The following OSMR variants were observed in gnomAD, a reference collection of about 807,000 sequenced individuals.
The protein encoded by OSMR is oncostatin-M-specific receptor subunit beta.
A neutral mutation model predicts 99.9 loss-of-function variants in OSMR; 81 were observed. That is an observed-to-expected ratio of 0.81 (90% CI 0.68 to 0.97). The LOEUF is 0.97. Among genes scored for constraint, OSMR ranks in the 50% least tolerant of loss-of-function variants. OSMR has a pLI of 0.00. For missense variants in OSMR, 1,099 were observed against 1,153.4 expected, an observed-to-expected ratio of 0.95 and a Z score of 0.68; for synonymous variants, 406 against 410.4, an observed-to-expected ratio of 0.99 and a Z score of 0.13.
At chr5:38,939,776 C>T, downstream of OSMR, 1 of 226,564 alleles carries the variant, frequency 4.4e-6, no homozygotes, top group Non-Finnish European at 8.8e-6. Context: ...TTTTGGTATT[C>T]TATAGTCTGT....
At chr5:38,860,733 C>T (rs1230739280) in intron 1 of OSMR, among the ~76,000 whole-genome samples, 1 of 152,178 alleles carries the variant, frequency 6.6e-6, no homozygotes, top group Non-Finnish European at 1.5e-5. Context: ...AGTGCAATGG[C>T]ACAATCTTGG....
intron 1 of OSMR, among the ~76,000 whole-genome samples, chr5:38,862,768 C>T (rs534829394): frequency 2.1e-4 from 32 of 151,736 alleles, no homozygotes; most frequent in Middle Eastern, 3.4e-3. Context: ...GGGTGGCGGC[C>T]GGGCAGAGGC....
chr5:38,939,058 C>T (rs1470768004), downstream of OSMR: 6 of 232,960 alleles, frequency 2.6e-5, no homozygotes, highest in Non-Finnish European at 5.1e-5. Flanking sequence ...TAGCACCTCA[C>T]TCTTACCATG....
In OSMR at chr5:38,921,615, A is replaced by G. The variant is rs1746237032; in HGVS notation, c.1586A>G (p.Lys529Arg). ...VIVISADPENKEVEEERIAGT... is the reference protein window; with the variant it reads ...VIVISADPENREVEEERIAGT... ...CATTGCTCTATTTGTTTATATACAG[A>G]AGAGGTTGAGGAAGAAAGAATTGCA... is the stretch of plus-strand genomic sequence containing the variant. Residue 529 changes from lysine (K) to arginine (R), a missense_variant and splice_region_variant, in exon 12 of 18, where the codon AAA becomes AGA. By Grantham distance (26) the Lys-to-Arg change is conservative (BLOSUM62 2). Transcript: ENST00000274276. 1.9e-6 allele frequency: 3 copies of G among 1,614,146 alleles called. No homozygotes were observed. The South Asian group carries it at 3.3e-5, about 18-fold the overall frequency.
intron 15 of OSMR, among the ~76,000 whole-genome samples, chr5:38,930,190 T>C (rs1170459426): frequency 6.6e-6 from 1 of 152,236 alleles, no homozygotes; most frequent in African/African-American, 2.4e-5. Flanking sequence ...CTGTCTCAGA[T>C]ACTTTTTGGT....
chr5:38,904,581 G>A, intron 9 of OSMR, 78 bp downstream of exon 9: 1 of 1,573,778 alleles, frequency 6.4e-7, no homozygotes, highest in Non-Finnish European at 8.7e-7. Context: ...GATTTTGGTT[G>A]TACCAAAAAC....
intron 7 of OSMR, 62 bp downstream of exon 7, chr5:38,886,252 G>A (rs545738860): frequency 5.6e-6 from 9 of 1,612,602 alleles, no homozygotes; most frequent in South Asian, 3.3e-5. Flanking sequence ...CACAGACTGT[G>A]TGATCAAGTA....
chr5:38,898,500 T>C (rs1744671882), intron 7 of OSMR, among the ~76,000 whole-genome samples: 2 of 152,220 alleles, frequency 1.3e-5, no homozygotes, highest in Non-Finnish European at 2.9e-5. Flanking sequence ...ATAGGCTAAG[T>C]GCATTTCTCA....
chr5:38,945,321 G>A (rs1748069688), downstream of OSMR: 1 of 619,424 alleles, frequency 1.6e-6, no homozygotes, highest in African/African-American at 1.8e-5. Flanking sequence ...CTGTGACCTG[G>A]AACCGTGAGA....
Position 38,885,347 on chromosome 5 carries a change from A to G in OSMR, c.704-2A>G, listed in dbSNP as rs1245399762. Reference sequence around the variant, plus strand: ...TAGGTCTGTTTTCCTTTGTATGGACAGAAGTACTTGAGGAGCCCAAGGACT... The same window carrying G: ...TAGGTCTGTTTTCCTTTGTATGGACGGAAGTACTTGAGGAGCCCAAGGACT... On this transcript the variant is annotated splice_acceptor_variant, in intron 5 of 17. Coordinates refer to ENST00000274276, the MANE Select transcript of OSMR (RefSeq NM_003999.3). LOFTEE classifies it high-confidence loss of function. 6.2e-7 allele frequency: 1 copy of G among 1,613,684 alleles called. No individual in the cohort carries two copies. The highest frequency in any genetic ancestry group is 8.5e-7 in the Non-Finnish European group (1 of 1,179,834).
intron 2 of OSMR, among the ~76,000 whole-genome samples, chr5:38,873,179 T>C (rs1239543794): frequency 1.3e-5 from 2 of 152,244 alleles, no homozygotes; most frequent in African/African-American, 2.4e-5. Flanking sequence ...TTCATACAAA[T>C]GGAATCACAG....
intron 15 of OSMR, 118 bp from the exon 16 acceptor site, chr5:38,931,765 T>C (rs538976386): frequency 6.6e-6 from 10 of 1,506,158 alleles, no homozygotes; most frequent in Non-Finnish European, 8.9e-6. Flanking sequence ...ACAACTTGCA[T>C]ACATAATTTG....
intron 1 of OSMR, among the ~76,000 whole-genome samples, chr5:38,855,949 C>T (rs1740805071): frequency 6.6e-6 from 1 of 152,186 alleles, no homozygotes; most frequent in Non-Finnish European, 1.5e-5. Flanking sequence ...CTGGCTCTCA[C>T]CAGCTTGCTT....
intron 2 of OSMR, 193 bp from the exon 3 acceptor site, chr5:38,876,008 A>G (rs1463097603): frequency 4.5e-5 from 11 of 246,232 alleles, no homozygotes; most frequent in Non-Finnish European, 7.1e-5. Flanking sequence ...TCATTCATCT[A>G]GATCTTAATT....
intron 1 of OSMR, among the ~76,000 whole-genome samples, chr5:38,855,755 T>G (rs909768818): frequency 7.0e-5 from 9 of 129,032 alleles, no homozygotes; most frequent in Non-Finnish European, 1.1e-4. Context: ...CTGTTGTCCC[T>G]CACTTCACTG....
At chr5:38,852,508 C>G (rs1368456909) in intron 1 of OSMR, among the ~76,000 whole-genome samples, 1 of 152,098 alleles carries the variant, frequency 6.6e-6, no homozygotes, top group Non-Finnish European at 1.5e-5. Flanking sequence ...CATAGACATA[C>G]ACAGACATAC....
At chr5:38,873,593 T>A (rs560634574) in intron 2 of OSMR, among the ~76,000 whole-genome samples, 1 of 152,148 alleles carries the variant, frequency 6.6e-6, no homozygotes, top group African/African-American at 2.4e-5. Context: ...CATTTTACAT[T>A]CCTACCGGCA....
At chr5:38,891,467 A>T (rs1160517139) in intron 7 of OSMR, among the ~76,000 whole-genome samples, 1 of 152,236 alleles carries the variant, frequency 6.6e-6, no homozygotes, top group Non-Finnish European at 1.5e-5. Context: ...TTTACAAAGG[A>T]GGCAGCAGGC....
chr5:38,914,150 A>G (rs562671064), intron 9 of OSMR, among the ~76,000 whole-genome samples: 1 of 152,324 alleles, frequency 6.6e-6, no homozygotes, highest in African/African-American at 2.4e-5. Flanking sequence ...AGACTGAAGG[A>G]CTTTAACAAG....
Sources: gnomAD v4.1 joint callset for allele counts (sites outside exome capture counted in the v4.1 genomes callset) on GRCh38, gnomAD v4.1.1 for gene constraint, MANE v1.5 for transcripts, NCBI Gene and HGNC (gene_info 2026-07-23, HGNC 2026-07-21) for gene names.